RGS20: variants seen among roughly 807,000 people sequenced by gnomAD.
RGS20 encodes the protein gz-selective GTPase-activating protein.
Under a neutral mutation model 33.6 loss-of-function variants are expected in RGS20, and 30 were observed. That is an observed-to-expected ratio of 0.89 (90% CI 0.67 to 1.21). The LOEUF is 1.21. Ranked by LOEUF, RGS20 falls within the 50% of genes most tolerant of loss-of-function variation. The pLI is 0.00. For missense variants in RGS20, 472 were observed against 502.4 expected (o/e 0.94, Z 0.58); for synonymous variants, 208 against 197.9 (o/e 1.05, Z -0.43).
At chr8:53,888,140 G>A (rs1381442710) in intron 2 of RGS20, among the ~76,000 whole-genome samples, 1 of 152,056 alleles carries the variant, frequency 6.6e-6, no homozygotes, top group African/African-American at 2.4e-5. Flanking sequence ...CTGCCATAAA[G>A]AAAGGTATAG....
At chr8:53,952,231 C>T (rs1383007823) in intron 4 of RGS20, among the ~76,000 whole-genome samples, 9 of 140,882 alleles carry the variant, frequency 6.4e-5, no homozygotes, top group Non-Finnish European at 1.1e-4. Flanking sequence ...GCACATGCCA[C>T]CATGCCCAGC....
chr8:53,879,409 C>T lies in RGS20; in HGVS notation c.317C>T (p.Pro106Leu). 2 of 1,609,804 alleles carry T rather than the reference C, an allele frequency of 1.2e-6. No individual in the cohort carries two copies. Among genetic ancestry groups the T allele is most frequent in the Non-Finnish European group, 1.7e-6 (2 of 1,178,884 alleles). Residue 106 changes from proline (P) to leucine (L), a missense_variant, in exon 2 of 6, where the codon CCC (proline) becomes CTC (leucine). By Grantham distance (98) the Pro-to-Leu change is moderately conservative (BLOSUM62 -3). Around this residue, in one of 3 missense-constraint regions of RGS20, gnomAD observed 319 missense variants for 283.4 expected, o/e 1.13. Coordinates refer to ENST00000297313, the MANE Select transcript of RGS20 (RefSeq NM_170587.4). ...CCCCGGAGGCGCCTGGACTTCTCCC[C>T]CCTGCTTCCCGCCCTGCCGGCCGCC...
At chr8:53,942,008 T>TTA (rs1814311143) in intron 3 of RGS20, among the ~76,000 whole-genome samples, 2 of 152,176 alleles carry the variant, frequency 1.3e-5, no homozygotes, top group Non-Finnish European at 2.9e-5. Flanking sequence ...GTGCGGTGGC[T>TTA]CACGCCTGTA....
chr8:53,907,322 C>G (rs1309337182), intron 2 of RGS20, among the ~76,000 whole-genome samples: 3 of 152,188 alleles, frequency 2.0e-5, no homozygotes, highest in Admixed American at 6.5e-5. Context: ...CGCGGTGGCT[C>G]ACGCCTGTAA....
chr8:53,888,874 TTTG>T (rs1276994703), intron 2 of RGS20, among the ~76,000 whole-genome samples: 1 of 152,246 alleles, frequency 6.6e-6, no homozygotes, highest in Non-Finnish European at 1.5e-5. Flanking sequence ...TTGAGATTCA[TTTG>T]TTGTTGTACG....
chr8:53,898,308 G>GAGTAA (rs1447737171), intron 2 of RGS20, among the ~76,000 whole-genome samples: 2 of 151,820 alleles, frequency 1.3e-5, no homozygotes, highest in East Asian at 3.8e-4. Flanking sequence ...TGGTATTGAG[G>GAGTAA]GTACTCAGAG....
At chr8:53,945,633 T>C (rs1814452255) in intron 3 of RGS20, among the ~76,000 whole-genome samples, 1 of 152,158 alleles carries the variant, frequency 6.6e-6, no homozygotes, top group Non-Finnish European at 1.5e-5. Flanking sequence ...ATTAAGAAAG[T>C]GGCCGGGCAC....
At chr8:53,864,528 G>A (rs947622117) in intron 1 of RGS20, among the ~76,000 whole-genome samples, 2 of 151,566 alleles carry the variant, frequency 1.3e-5, no homozygotes, top group Non-Finnish European at 2.9e-5. Flanking sequence ...GCTGCCTCCC[G>A]GGAACCCCTT....
intron 1 of RGS20, among the ~76,000 whole-genome samples, chr8:53,853,603 C>T (rs1811612318): frequency 6.6e-6 from 1 of 152,156 alleles, no homozygotes; most frequent in Non-Finnish European, 1.5e-5. Flanking sequence ...GAGACATGTG[C>T]CTCATCTAGC....
intron 2 of RGS20, among the ~76,000 whole-genome samples, chr8:53,922,998 A>G (rs745396216): frequency 6.6e-6 from 1 of 152,048 alleles, no homozygotes. Flanking sequence ...AATGCTTATA[A>G]TACCTTAATG....
chr8:53,938,713 T>G (rs1462145931), intron 2 of RGS20, among the ~76,000 whole-genome samples: 2 of 152,220 alleles, frequency 1.3e-5, no homozygotes, highest in African/African-American at 2.4e-5. Context: ...TAGCTTGCAA[T>G]TAGCTCCATC....
chr8:53,882,803 C>A (rs2129275167), intron 2 of RGS20, among the ~76,000 whole-genome samples: 1 of 152,290 alleles, frequency 6.6e-6, no homozygotes, highest in East Asian at 1.9e-4. Flanking sequence ...TAGGCACCTG[C>A]ACGCGGGCTC....
In RGS20 at chr8:53,932,189, C is replaced by T. The variant is rs532602515; in HGVS notation, c.511-7387C>T. On this transcript the variant is annotated intron_variant, in intron 2 of 5. Transcript: ENST00000297313. ...CCTTTCTCTCTGGCTGCCCTTAACA[C>T]AAAACTGGGTGGCCATTTGGGCAGA... 1.1e-3 allele frequency among the ~76,000 whole-genome samples: 164 copies of T among 152,152 alleles called. 1 individual carries two copies. Among genetic ancestry groups the T allele is most frequent in the African/African-American group, 3.8e-3 (157 of 41,530 alleles).
At chr8:53,870,937 T>C (rs1163102547) in intron 1 of RGS20, among the ~76,000 whole-genome samples, 1 of 151,374 alleles carries the variant, frequency 6.6e-6, no homozygotes, top group Non-Finnish European at 1.5e-5. Context: ...ATGGAGAAAC[T>C]GTGTCTCTAC....
At position 53,955,499 on chromosome 8, in the gene RGS20, T is replaced by C. The variant is rs189213013; in HGVS notation, c.978+1189T>C. 4.3e-3 allele frequency among the ~76,000 whole-genome samples: 652 copies of C among 152,220 alleles called. 10 individuals are homozygous for C. Among genetic ancestry groups the C allele is most frequent in the South Asian group, 8.9e-3 (43 of 4,810 alleles). On this transcript the variant is annotated intron_variant, in intron 5 of 5. Transcript: ENST00000297313. ...TCAGATGAATGAGATTGGGCAAGTT[T>C]CCACCTGTCAGTGTTTCAGTTTCTT...
intron 2 of RGS20, among the ~76,000 whole-genome samples, chr8:53,933,076 AG>A (rs1315255269): frequency 1.3e-5 from 2 of 152,362 alleles, no homozygotes; most frequent in South Asian, 4.1e-4. Flanking sequence ...ATCAACAAAA[AG>A]GACGTCCACA....
intron 5 of RGS20, among the ~76,000 whole-genome samples, chr8:53,956,052 G>A (rs1054108263): frequency 3.9e-5 from 6 of 152,160 alleles, no homozygotes; most frequent in Non-Finnish European, 7.3e-5. Context: ...GGGCTCGGGG[G>A]TGAGCCATCC....
At chr8:53,879,681 A>C in intron 2 of RGS20, 95 of 1,144,830 alleles carry the variant, frequency 8.3e-5, no homozygotes, top group Middle Eastern at 2.9e-4. Context: ...CCTAACCCCA[A>C]CTGACCCGCT....
At chr8:53,873,476 G>A (rs1339995388) in intron 1 of RGS20, among the ~76,000 whole-genome samples, 1 of 152,050 alleles carries the variant, frequency 6.6e-6, no homozygotes, top group African/African-American at 2.4e-5. Context: ...TCATATAAAT[G>A]GAATCATACA....
Sources: gnomAD v4.1 joint callset for allele counts (sites outside exome capture counted in the v4.1 genomes callset) on GRCh38, gnomAD v4.1.1 for gene constraint, gnomAD v4.1.1 regional missense constraint, MANE v1.5 for transcripts, NCBI Gene and HGNC (gene_info 2026-07-23, HGNC 2026-07-21) for gene names.